LRRC4C: variants seen among roughly 807,000 people sequenced by gnomAD.
The protein encoded by LRRC4C is leucine-rich repeat-containing protein 4C.
Under a neutral mutation model 33.6 loss-of-function variants are expected in LRRC4C, and 5 were observed. That is an observed-to-expected ratio of 0.15 (90% CI 0.08 to 0.31). The LOEUF is 0.31. Among genes scored for constraint, LRRC4C ranks in the 10% least tolerant of loss-of-function variants. The probability of loss-of-function intolerance (pLI) is 1.00; values close to 1 mark genes in which losing one functional copy is unlikely to be tolerated. For missense variants in LRRC4C, 560 were observed against 796.7 expected, an observed-to-expected ratio of 0.70 and a Z score of 3.58; for synonymous variants, 329 against 302.0, an observed-to-expected ratio of 1.09 and a Z score of -0.93.
Position 41,053,606 on chromosome 11 carries a change from A to T in LRRC4C, c.-495-119883T>A, listed in dbSNP as rs188955692. Among the ~76,000 whole-genome samples, 1,215 of 152,316 alleles carry T rather than the reference A, an allele frequency of 8.0e-3. 15 individuals carry two copies. The highest frequency in any genetic ancestry group is 0.014 in the Middle Eastern group (4 of 294). On this transcript the variant is annotated intron_variant, in intron 1 of 6. Coordinates refer to ENST00000528697, the MANE Select transcript of LRRC4C (RefSeq NM_001258419.2). ...AAACTGCTAATTTTTTGGTAATATT[A>T]TTACATAGCTATAGATAATTCATAT...
At chr11:41,247,857 C>T (rs760563411) in intron 1 of LRRC4C, among the ~76,000 whole-genome samples, 16 of 152,154 alleles carry the variant, frequency 1.1e-4, no homozygotes, top group East Asian at 1.9e-4. Flanking sequence ...TGAAGTTCCA[C>T]GCTGGCCCAT....
chr11:40,489,457 T>C (rs997028859), intron 3 of LRRC4C, among the ~76,000 whole-genome samples: 1 of 152,110 alleles, frequency 6.6e-6, no homozygotes, highest in Admixed American at 6.6e-5. Context: ...GGCCTATTTC[T>C]CATGTAATCC....
intron 1 of LRRC4C, among the ~76,000 whole-genome samples, chr11:41,323,959 T>G (rs1446475354): frequency 1.3e-5 from 2 of 152,202 alleles, no homozygotes; most frequent in Admixed American, 1.3e-4. Flanking sequence ...GATTTCATTT[T>G]GATATTAAAA....
intron 1 of LRRC4C, among the ~76,000 whole-genome samples, chr11:41,116,630 A>G (rs1942142963): frequency 6.6e-6 from 1 of 152,098 alleles, no homozygotes; most frequent in African/African-American, 2.4e-5. Flanking sequence ...ATGGGAAGGG[A>G]GTGGAAGGAC....
chr11:41,004,670 T>G (rs1854610983), intron 1 of LRRC4C, among the ~76,000 whole-genome samples: 1 of 152,124 alleles, frequency 6.6e-6, no homozygotes, highest in Admixed American at 6.5e-5. Context: ...AGGTAAACAA[T>G]GAGTGAATGG....
chr11:40,750,818 A>G (rs1948657148), intron 2 of LRRC4C, among the ~76,000 whole-genome samples: 1 of 150,604 alleles, frequency 6.6e-6, no homozygotes, highest in South Asian at 2.1e-4. Context: ...GAAAAAAAAA[A>G]AAAGAAAAGT....
intron 5 of LRRC4C, among the ~76,000 whole-genome samples, chr11:40,231,005 G>C (rs1217533396): frequency 6.6e-6 from 1 of 152,144 alleles, no homozygotes; most frequent in Non-Finnish European, 1.5e-5. Context: ...ATTTGCAAGG[G>C]CTGGCACAGA....
intron 1 of LRRC4C, among the ~76,000 whole-genome samples, chr11:41,049,911 T>A (rs1441604699): frequency 6.6e-6 from 1 of 152,148 alleles, no homozygotes; most frequent in Non-Finnish European, 1.5e-5. Flanking sequence ...GGTACATAGG[T>A]GACACTCAGT....
At chr11:41,095,000 A>G (rs920951766) in intron 1 of LRRC4C, among the ~76,000 whole-genome samples, 1 of 152,312 alleles carries the variant, frequency 6.6e-6, no homozygotes, top group Admixed American at 6.5e-5. Context: ...TTCTATGTCA[A>G]TTAAGAGCAG....
At chr11:40,425,705 A>G (rs1950685806) in intron 3 of LRRC4C, among the ~76,000 whole-genome samples, 1 of 152,248 alleles carries the variant, frequency 6.6e-6, no homozygotes, top group Admixed American at 6.5e-5. Flanking sequence ...CAGATCAGAT[A>G]TAGTGACACT....
chr11:41,373,709 G>A (rs993074329), intron 1 of LRRC4C, among the ~76,000 whole-genome samples: 3 of 152,076 alleles, frequency 2.0e-5, no homozygotes, highest in African/African-American at 7.2e-5. Flanking sequence ...GACAGTGTAA[G>A]CTTTTTTATA....
intron 4 of LRRC4C, among the ~76,000 whole-genome samples, chr11:40,301,932 G>A (rs760781307): frequency 2.0e-5 from 3 of 152,098 alleles, no homozygotes; most frequent in Non-Finnish European, 4.4e-5. Flanking sequence ...TATTGACACC[G>A]AAATGGAGAC....
chr11:40,951,749 A>G (rs11036155), intron 1 of LRRC4C, among the ~76,000 whole-genome samples: 38,934 of 151,878 alleles, frequency 0.26, 5,154 homozygotes, highest in Middle Eastern at 0.32. Context: ...TGAAAGGTAT[A>G]ATTAAGAAGA....
At chr11:40,161,426 C>A (rs1459574303) in intron 5 of LRRC4C, among the ~76,000 whole-genome samples, 1 of 152,070 alleles carries the variant, frequency 6.6e-6, no homozygotes, top group African/African-American at 2.4e-5. Context: ...TCTAAAATAG[C>A]TCATGAAAGA....
intron 2 of LRRC4C, among the ~76,000 whole-genome samples, chr11:40,662,444 A>C (rs1174161328): frequency 6.6e-6 from 1 of 152,128 alleles, no homozygotes; most frequent in African/African-American, 2.4e-5. Flanking sequence ...GAGAAAAGAC[A>C]ACCTTGCAGA....
At chr11:40,907,632 C>T (rs1441866242) in intron 2 of LRRC4C, among the ~76,000 whole-genome samples, 1 of 152,192 alleles carries the variant, frequency 6.6e-6, no homozygotes, top group African/African-American at 2.4e-5. Context: ...CACCTTGAAA[C>T]TGTGTAGCCT....
intron 1 of LRRC4C, among the ~76,000 whole-genome samples, chr11:41,139,399 T>G: frequency 6.6e-6 from 1 of 152,196 alleles, no homozygotes; most frequent in Non-Finnish European, 1.5e-5. Context: ...ATCTTCTGAC[T>G]CTAGTTACAA....
At chr11:40,274,148 C>G (rs947838234) in intron 4 of LRRC4C, among the ~76,000 whole-genome samples, 2 of 151,934 alleles carry the variant, frequency 1.3e-5, no homozygotes, top group Non-Finnish European at 2.9e-5. Flanking sequence ...GCATTCCTAT[C>G]TGATACAGCT....
intron 6 of LRRC4C, among the ~76,000 whole-genome samples, chr11:40,125,088 A>AGCT (rs1248522875): frequency 6.6e-6 from 1 of 152,174 alleles, no homozygotes; most frequent in Non-Finnish European, 1.5e-5. Flanking sequence ...TAGTTAGCTA[A>AGCT]GCTCATGTCT....
Sources: gnomAD v4.1 joint callset for allele counts (sites outside exome capture counted in the v4.1 genomes callset) on GRCh38, gnomAD v4.1.1 for gene constraint, MANE v1.5 for transcripts, NCBI Gene and HGNC (gene_info 2026-07-23, HGNC 2026-07-21) for gene names.